The following GPAM variants were observed in gnomAD, a reference collection of about 807,000 sequenced individuals.
GPAM encodes the protein glycerol-3-phosphate acyltransferase, mitochondrial.
In GPAM, 56 loss-of-function variants were observed where a neutral mutation model predicts 105.0. That is an observed-to-expected ratio of 0.53 (90% CI 0.43 to 0.67). The LOEUF (loss-of-function observed/expected upper bound fraction) is 0.67, where lower values mean the gene tolerates loss of function less well. Ranked by LOEUF, GPAM falls within the 30% of genes least tolerant of loss-of-function variation. The pLI is 0.00. For synonymous variants in GPAM, 368 were observed against 354.4 expected (o/e 1.04, Z -0.43); for missense variants, 855 against 989.8 (o/e 0.86, Z 1.83).
At chr10:112,155,236 T>C (rs1846995141) in intron 20 of GPAM, 1 of 174,100 alleles carries the variant, frequency 5.7e-6, no homozygotes, top group African/African-American at 2.4e-5. Context: ...ATTCAAGTAG[T>C]TTCAGCTCCA....
Position 112,151,182 on chromosome 10 carries a change from G to A in GPAM, c.*2368C>T, listed in dbSNP as rs536233589. On this transcript the variant is annotated 3_prime_UTR_variant, in exon 22 of 22. Transcript: ENST00000348367. ...CATGCATTTCATGTTACAGAAATGC[G>A]ATAGAGTAAACTGTAATAAATTATT... 24 of 980,012 alleles carry A rather than the reference G, an allele frequency of 2.4e-5. No individual in the cohort carries two copies. In the South Asian group the frequency reaches 5.7e-4, roughly 23 times the overall value. 60.7% of individuals were successfully genotyped at this position (980,012 alleles called of 1,614,324 possible).
At chr10:112,173,621 G>C (rs1460721104) in intron 7 of GPAM, 78 bp downstream of exon 7, 10 of 1,310,680 alleles carry the variant, frequency 7.6e-6, no homozygotes, top group Admixed American at 1.7e-5. Flanking sequence ...ACTGTGCTAG[G>C]AAAGTTCAAT....
At chr10:112,178,234 T>A (rs573698680) in intron 4 of GPAM, among the ~76,000 whole-genome samples, 177 bp from the exon 5 acceptor site, 1 of 152,248 alleles carries the variant, frequency 6.6e-6, no homozygotes, top group Admixed American at 6.5e-5. Context: ...AAGAATGTCA[T>A]AAACTCAAAA....
chr10:112,154,807 AG>A, intron 20 of GPAM, 120 bp from the exon 21 acceptor site: 1 of 848,360 alleles, frequency 1.2e-6, no homozygotes. Flanking sequence ...TCAGCAGACA[AG>A]GGTGGGGCCC....
At chr10:112,203,153 C>G (rs1014878539) in intron 1 of GPAM, among the ~76,000 whole-genome samples, 1 of 152,150 alleles carries the variant, frequency 6.6e-6, no homozygotes, top group Non-Finnish European at 1.5e-5. Flanking sequence ...ACTCAGTCTC[C>G]TCTTCCTGTT....
intron 13 of GPAM, among the ~76,000 whole-genome samples, chr10:112,164,217 A>G (rs1039932607): frequency 1.3e-5 from 2 of 152,238 alleles, no homozygotes; most frequent in Non-Finnish European, 2.9e-5. Flanking sequence ...ATTCTTTCAT[A>G]TGGTTCACTT....
chr10:112,195,451 C>T (rs1245986868), intron 1 of GPAM, among the ~76,000 whole-genome samples: 1 of 152,188 alleles, frequency 6.6e-6, no homozygotes, highest in Non-Finnish European at 1.5e-5. Context: ...CCTTCCCTGG[C>T]ATTTGCTCTG....
intron 11 of GPAM, among the ~76,000 whole-genome samples, chr10:112,167,131 T>C (rs138987146): frequency 3.9e-5 from 6 of 152,228 alleles, no homozygotes; most frequent in African/African-American, 1.2e-4. Flanking sequence ...AAGAGTGTCA[T>C]ACAGATCATA....
chr10:112,178,274 G>A lies in GPAM; in HGVS notation c.226-217C>T, dbSNP rs2803620. Among the ~76,000 whole-genome samples, 1,245 of 152,220 alleles carry A rather than the reference G, an allele frequency of 8.2e-3. 19 individuals carry two copies. Among genetic ancestry groups the A allele is most frequent in the African/African-American group, 0.029 (1,185 of 41,536 alleles). ...TCTTTAAAATCTTAAAACTAGCCAG[G>A]CGCAGTGGCTCACACCCGTAATCTC... On this transcript the variant is annotated intron_variant, in intron 4 of 21. Coordinates refer to ENST00000348367, the MANE Select transcript of GPAM (RefSeq NM_001244949.2).
At chr10:112,211,377 G>A (rs570196119) in intron 1 of GPAM, among the ~76,000 whole-genome samples, 2 of 152,246 alleles carry the variant, frequency 1.3e-5, no homozygotes, top group South Asian at 4.1e-4. Flanking sequence ...GAATCATTCA[G>A]TCCAACTCTC....
Position 112,196,000 on chromosome 10 carries a change from T to C in GPAM, n.211-13109A>G, listed in dbSNP as rs1847719055. ...GGTCAGAGTAGAGAAAACATGTGAC[T>C]ACAAGGAAAACTAGGGGCCCTGATC... On this transcript the variant is annotated intron_variant and non_coding_transcript_variant, in intron 1 of 3. Coordinates refer to the GPAM transcript ENST00000480130. Among the ~76,000 whole-genome samples the C allele has an allele frequency of 1.3e-5, 2 of 152,088 alleles. 1 individual carries two copies. The highest frequency in any genetic ancestry group is 4.8e-5 in the African/African-American group (2 of 41,408).
intron 1 of GPAM, among the ~76,000 whole-genome samples, chr10:112,193,485 A>C (rs571805612): frequency 6.6e-5 from 10 of 152,340 alleles, no homozygotes; most frequent in African/African-American, 2.2e-4. Context: ...AGGATGGGGA[A>C]TAGATCCAAG....
Position 112,153,343 on chromosome 10 carries a change from C to A in GPAM, c.*207G>T. ...GTTGCGAATAGAGGCTGAGGTCCCC[C>A]CAAGTGTTATCTGCAGGCTGCTGTG... On this transcript the variant is annotated 3_prime_UTR_variant, in exon 22 of 22. Coordinates refer to ENST00000348367, the MANE Select transcript of GPAM (RefSeq NM_001244949.2). 3 of 1,479,054 alleles carry A rather than the reference C, an allele frequency of 2.0e-6. No individual in the cohort carries two copies. Among genetic ancestry groups the A allele is most frequent in the African/African-American group, 1.4e-5 (1 of 71,536 alleles). 91.6% of individuals were successfully genotyped at this position (1,479,054 alleles called of 1,614,324 possible). A position where few individuals can be genotyped will look rare whatever the true frequency, so the allele number is the denominator to read the frequency against.
At chr10:112,215,357 C>T (rs1048153058) in exon 1 of GPAM, 3 of 152,212 alleles carry the variant, frequency 2.0e-5, no homozygotes, top group African/African-American at 7.2e-5. Flanking sequence ...AGAAAGAGTC[C>T]CCCCGCAGCA....
upstream of GPAM, among the ~76,000 whole-genome samples, chr10:112,217,064 A>G (rs2133313152): frequency 1.3e-5 from 2 of 152,352 alleles, 1 homozygote; most frequent in South Asian, 4.1e-4. Flanking sequence ...GTGATTTCAA[A>G]TACAGACATA....
chr10:112,152,015 T>C lies in GPAM; in HGVS notation c.*1535A>G, dbSNP rs930557782. 2.0e-6 allele frequency: 2 copies of C among 977,632 alleles called. No individual in the cohort carries two copies. Among genetic ancestry groups the C allele is most frequent in the African/African-American group, 3.5e-5 (2 of 57,222 alleles). 60.6% of individuals were successfully genotyped at this position (977,632 alleles called of 1,614,324 possible). On this transcript the variant is annotated 3_prime_UTR_variant, in exon 22 of 22. Transcript: ENST00000348367. ...GCATTATTGCTATGAGTTTCAAACATGGTATTTCATACAATGTGAAATATC... is the reference window on the plus strand; with the variant it reads ...GCATTATTGCTATGAGTTTCAAACACGGTATTTCATACAATGTGAAATATC...
chr10:112,194,803 C>G (rs1847704278), intron 1 of GPAM, among the ~76,000 whole-genome samples: 1 of 152,184 alleles, frequency 6.6e-6, no homozygotes, highest in African/African-American at 2.4e-5. Flanking sequence ...TAGATGTTTT[C>G]TCTTGGCATG....
rs554454617 is a variant in GPAM at position 112,193,597 on chromosome 10, G to A, written n.211-10706C>T. ...ATGGGGAAACTGAGGCACCAGGAGA[G>A]GTCAGAATCTGTAAAGTGGCAGAAA... On this transcript the variant is annotated intron_variant and non_coding_transcript_variant, in intron 1 of 3. Coordinates refer to the GPAM transcript ENST00000480130. Among the ~76,000 whole-genome samples, 25 of 152,294 alleles carry A rather than the reference G, an allele frequency of 1.6e-4. No individual in the cohort carries two copies. The East Asian group carries it at 3.9e-3, about 24-fold the overall frequency.
rs148536740 is a variant in GPAM at position 112,174,283 on chromosome 10, A to G, written c.414-438T>C. ...TACTTTTAATTTGTATTGTGACTCC[A>G]TTAGTAAAACTATATGTAAAACTCT... On this transcript the variant is annotated intron_variant, in intron 6 of 21. Transcript: ENST00000348367. Among the ~76,000 whole-genome samples the G allele has an allele frequency of 8.4e-3, 1,287 of 152,326 alleles. 25 individuals carry two copies. The highest frequency in any genetic ancestry group is 0.029 in the African/African-American group (1,203 of 41,576).
Sources: gnomAD v4.1 joint callset for allele counts (sites outside exome capture counted in the v4.1 genomes callset) on GRCh38, gnomAD v4.1.1 for gene constraint, MANE v1.5 for transcripts, NCBI Gene and HGNC (gene_info 2026-07-23, HGNC 2026-07-21) for gene names.